The following SMAD7 variants were observed in gnomAD, a reference collection of about 807,000 sequenced individuals.
The protein encoded by SMAD7 is SMAD family member 7, also known as MAD (mothers against decapentaplegic, Drosophila) homolog 7.
Under a neutral mutation model 38.7 loss-of-function variants are expected in SMAD7, and 8 were observed. That is an observed-to-expected ratio of 0.21 (90% CI 0.12 to 0.37). The LOEUF is 0.37. Ranked by LOEUF, SMAD7 falls within the 10% of genes least tolerant of loss-of-function variation. The probability of loss-of-function intolerance (pLI) is 1.00; values close to 1 mark genes in which losing one functional copy is unlikely to be tolerated. For missense variants in SMAD7, 477 were observed against 577.9 expected (o/e 0.83, Z 1.79); for synonymous variants, 327 against 265.1 (o/e 1.23, Z -2.27).
chr18:48,938,219 GAGA>G (rs2070093889), intron 3 of SMAD7, among the ~76,000 whole-genome samples: 1 of 152,198 alleles, frequency 6.6e-6, no homozygotes, highest in Non-Finnish European at 1.5e-5. Context: ...AAGGATCAAA[GAGA>G]AGGAGACAGA....
At chr18:48,938,464 G>A (rs2070096793) in intron 3 of SMAD7, among the ~76,000 whole-genome samples, 2 of 152,216 alleles carry the variant, frequency 1.3e-5, no homozygotes, top group African/African-American at 2.4e-5. Context: ...TGAGATCCAT[G>A]GGAGCACTTC....
intron 3 of SMAD7, chr18:48,933,691 G>A (rs1002505932): frequency 2.0e-5 from 3 of 152,498 alleles, no homozygotes; most frequent in African/African-American, 7.2e-5. Flanking sequence ...GCCCTGTTCT[G>A]CGCTAGGTCA....
At chr18:48,928,184 T>G (rs758677497) in intron 3 of SMAD7, among the ~76,000 whole-genome samples, 4 of 152,234 alleles carry the variant, frequency 2.6e-5, no homozygotes, top group Non-Finnish European at 4.4e-5. Flanking sequence ...GGTCTCAGTT[T>G]GACCTGTCCA....
chr18:48,938,566 G>A (rs1378716484), intron 3 of SMAD7, among the ~76,000 whole-genome samples: 1 of 152,136 alleles, frequency 6.6e-6, no homozygotes, highest in Non-Finnish European at 1.5e-5. Flanking sequence ...GCCAGCTCCA[G>A]ACATTCATAT....
At chr18:48,927,928 C>A (rs1032791221) in intron 3 of SMAD7, among the ~76,000 whole-genome samples, 7 of 152,180 alleles carry the variant, frequency 4.6e-5, no homozygotes, top group Non-Finnish European at 7.3e-5. Context: ...AGTCACTGGC[C>A]GAAGTGCAGA....
At chr18:48,922,815 C>A (rs538976214) in intron 3 of SMAD7, among the ~76,000 whole-genome samples, 1 of 152,102 alleles carries the variant, frequency 6.6e-6, no homozygotes, top group Non-Finnish European at 1.5e-5. Context: ...GCCTGCAGGG[C>A]GCCCTGCTCC....
At chr18:48,937,294 G>GTA (rs1244739070) in intron 3 of SMAD7, among the ~76,000 whole-genome samples, 71 of 151,140 alleles carry the variant, frequency 4.7e-4, no homozygotes, top group African/African-American at 1.6e-3. Flanking sequence ...GTGTGTGTGT[G>GTA]TGTGTGTGTG....
chr18:48,945,970 GCT>G (rs934745978), intron 2 of SMAD7, among the ~76,000 whole-genome samples: 3 of 152,148 alleles, frequency 2.0e-5, no homozygotes, highest in African/African-American at 7.2e-5. Flanking sequence ...TTCAAAGAAG[GCT>G]CTCCTGGTTG....
chr18:48,931,236 C>T (rs1289994918), intron 3 of SMAD7, among the ~76,000 whole-genome samples: 1 of 152,076 alleles, frequency 6.6e-6, no homozygotes, highest in African/African-American at 2.4e-5. Context: ...TGGATGTGGA[C>T]GGTGGGGATA....
chr18:48,921,848 C>A lies in SMAD7; in HGVS notation c.805G>T (p.Glu269Ter). 1 of 1,613,694 alleles carries A rather than the reference C, an allele frequency of 6.2e-7. No individual in the cohort carries two copies. The highest frequency in any genetic ancestry group is 8.5e-7 in the Non-Finnish European group (1 of 1,179,982). ...SHWCVVAYWE[E>*]KTRVGRLYCV... ...TAGAGCCTCCCCACTCTCGTCTTCTCCTCCCAGTATGCCACCACGCACCAG... is the reference window on the plus strand; with the variant it reads ...TAGAGCCTCCCCACTCTCGTCTTCTACTCCCAGTATGCCACCACGCACCAG... The change falls in exon 4 of 4, where the codon GAG becomes TAG. Residue 269 changes from glutamate to a stop codon, truncating the protein, a stop_gained. Coordinates refer to ENST00000262158, the MANE Select transcript of SMAD7 (RefSeq NM_005904.4). LOFTEE classifies it high-confidence loss of function. The surrounding 1 kb of genome is among the most constrained non-coding windows in gnomAD (Gnocchi z 6.4).
intron 3 of SMAD7, among the ~76,000 whole-genome samples, chr18:48,930,706 G>A (rs916257138): frequency 4.3e-5 from 5 of 116,262 alleles, no homozygotes; most frequent in African/African-American, 5.1e-5. Context: ...CACCGCATGC[G>A]ATCGGTGTGT....
chr18:48,941,093 T>G (rs2070134240), intron 3 of SMAD7, among the ~76,000 whole-genome samples: 1 of 152,168 alleles, frequency 6.6e-6, no homozygotes, highest in African/African-American at 2.4e-5. Context: ...CTGAGCGTGT[T>G]ATTCTGCTGA....
chr18:48,930,233 A>G (rs2069981351), intron 3 of SMAD7: 1 of 152,592 alleles, frequency 6.6e-6, no homozygotes, highest in Admixed American at 6.5e-5. Context: ...CAGACTGGAA[A>G]AGTTAATCAT....
At chr18:48,926,747 C>T (rs759156434) in intron 3 of SMAD7, among the ~76,000 whole-genome samples, 3 of 152,202 alleles carry the variant, frequency 2.0e-5, no homozygotes, top group South Asian at 4.1e-4. Flanking sequence ...AGGACCCAGG[C>T]GCCACCAACG....
chr18:48,925,440 C>G (rs961151949), intron 3 of SMAD7, among the ~76,000 whole-genome samples: 8 of 150,460 alleles, frequency 5.3e-5, no homozygotes, highest in African/African-American at 1.7e-4. Context: ...TTGCCCCCCC[C>G]CAACCTTCCC....
chr18:48,921,642 A>G lies in SMAD7; in HGVS notation c.1011T>C (p.Ser337=), dbSNP rs1355294834. The change falls in exon 4 of 4, where the codon AGT becomes AGC. Residue 337 remains serine (S), a synonymous_variant. Coordinates refer to ENST00000262158, the MANE Select transcript of SMAD7 (RefSeq NM_005904.4). This position sits in a 1 kb window ranked among gnomAD's most constrained non-coding sequence, Gnocchi z 6.4. ...VDGVWVYNRS[S]YPIFIKSATL... ...TGGCGGACTTGATGAAGATGGGGTA[A>G]CTGCTGCGGTTGTACACCCACACAC... The G allele has an allele frequency of 1.2e-6, 2 of 1,612,644 alleles. No homozygotes were observed. Among genetic ancestry groups the G allele is most frequent in the East Asian group, 4.5e-5 (2 of 44,832 alleles).
intron 1 of SMAD7, chr18:48,949,458 A>C (rs2070234874): frequency 5.8e-6 from 1 of 172,720 alleles, no homozygotes. Context: ...GGGAGGCGTG[A>C]CCCCCCCACC....
chr18:48,950,285 G>T lies in SMAD7; in HGVS notation c.140C>A (p.Ala47Glu), dbSNP rs2070247622. 3 of 1,528,444 alleles carry T rather than the reference G, an allele frequency of 2.0e-6. No homozygotes were observed. The highest frequency in any genetic ancestry group is 2.6e-6 in the Non-Finnish European group (3 of 1,139,540). 94.7% of individuals were successfully genotyped at this position (1,528,444 alleles called of 1,614,324 possible). A position where few individuals can be genotyped will look rare whatever the true frequency, so the allele number is the denominator to read the frequency against. ...CGGGCCGCCGCCACCGGCCCCATGC[G>T]CTCGGCTGTCCGTCGCCCCTTCTCC... ...LRGEGATDSR[A>E]HGAGGGGPGR... is the part of the protein sequence containing the mutation. The change falls in exon 1 of 4, where the codon GCG becomes GAG. Residue 47 changes from alanine (A) to glutamate (E), a missense_variant. Physicochemically the swap from Ala to Glu is moderately radical, Grantham distance 107. This residue lies in a region of SMAD7 where 376 missense variants were observed against 379.4 expected (regional missense o/e 0.99). Coordinates refer to ENST00000262158, the MANE Select transcript of SMAD7 (RefSeq NM_005904.4).
rs1301418050 is a variant in SMAD7, at chr18:48,920,416, C to G, written c.*956G>C. On this transcript the variant is annotated 3_prime_UTR_variant, in exon 4 of 4. Coordinates refer to ENST00000262158, the MANE Select transcript of SMAD7 (RefSeq NM_005904.4). ...GAGGGAAGGGGACTGCTAAGCATGTCCCTCCCAGGGACATCCCCGCTTGCT... is the reference window on the plus strand; with the variant it reads ...GAGGGAAGGGGACTGCTAAGCATGTGCCTCCCAGGGACATCCCCGCTTGCT... 1 of 152,360 alleles carries G rather than the reference C, an allele frequency of 6.6e-6. No homozygotes were observed. The highest frequency in any genetic ancestry group is 1.5e-5 in the Non-Finnish European group (1 of 68,062). The allele number at this position is 152,360 out of a possible 1,614,324, so 9.4% of individuals were successfully genotyped here. A position where few individuals can be genotyped will look rare whatever the true frequency, so the allele number is the denominator to read the frequency against.
Sources: gnomAD v4.1 joint callset for allele counts (sites outside exome capture counted in the v4.1 genomes callset) on GRCh38, gnomAD v4.1.1 for gene constraint, gnomAD v4.1.1 regional missense constraint, Gnocchi (gnomAD v3.1) non-coding constraint, MANE v1.5 for transcripts, NCBI Gene and HGNC (gene_info 2026-07-23, HGNC 2026-07-21) for gene names.